NMUR1: variants seen among roughly 807,000 people sequenced by gnomAD.
NMUR1 encodes neuromedin U receptor 1, also known as neuromedin-U receptor 1.
A neutral mutation model predicts 18.8 loss-of-function variants in NMUR1; 16 were observed. The observed-to-expected ratio is 0.85, with a 90% CI of 0.58 to 1.29. The LOEUF (loss-of-function observed/expected upper bound fraction) is 1.29, where lower values mean the gene tolerates loss of function less well. Ranked by LOEUF, NMUR1 falls within the 50% of genes most tolerant of loss-of-function variation. NMUR1 has a pLI of 0.00. For missense variants in NMUR1, 529 were observed against 580.3 expected (o/e 0.91, Z 0.91); for synonymous variants, 258 against 258.2 (o/e 1.00, Z 0.01).
downstream of NMUR1, among the ~76,000 whole-genome samples, chr2:231,518,840 C>T (rs1208713646): frequency 2.0e-5 from 3 of 152,152 alleles, no homozygotes; most frequent in African/African-American, 4.8e-5. Flanking sequence ...TTCATTCTGC[C>T]TCCTGACATC....
At chr2:231,530,233 C>T in intron 1 of NMUR1, 126 bp downstream of exon 1, 2 of 1,173,802 alleles carry the variant, frequency 1.7e-6, no homozygotes, top group South Asian at 1.5e-5. Context: ...CGAGGCTCCC[C>T]GGTGGCGGGG....
downstream of NMUR1, among the ~76,000 whole-genome samples, chr2:231,522,536 G>T (rs866624488): frequency 6.6e-6 from 1 of 151,674 alleles, no homozygotes; most frequent in African/African-American, 2.4e-5. Flanking sequence ...AGGTGCTCAC[G>T]GCTCTGCACA....
At chr2:231,520,658 T>A (rs1231565622), downstream of NMUR1, among the ~76,000 whole-genome samples, 1 of 152,126 alleles carries the variant, frequency 6.6e-6, no homozygotes, top group East Asian at 1.9e-4. Context: ...ACAAAGAAAT[T>A]TGGAACAAGA....
rs915090832 is a variant in NMUR1, at chr2:231,529,026, C to G, written c.4-9G>C. On this transcript the variant is annotated splice_polypyrimidine_tract_variant and intron_variant, in intron 1 of 2. Coordinates refer to ENST00000305141, the MANE Select transcript of NMUR1 (RefSeq NM_006056.5). ...TTGAGGCAGAGAGGAGTCTGTGGAACAGAGGGGAGAGATGCCCAGAAAGAT... is the reference window on the plus strand; with the variant it reads ...TTGAGGCAGAGAGGAGTCTGTGGAAGAGAGGGGAGAGATGCCCAGAAAGAT... 2.5e-6 allele frequency: 4 copies of G among 1,587,940 alleles called. No homozygotes were observed. The African/African-American group carries it at 5.4e-5, about 21-fold the overall frequency.
At position 231,525,443 on chromosome 2, in the gene NMUR1, G is replaced by T. The variant is rs2047347128; in HGVS notation, c.899-18C>A. The T allele has an allele frequency of 6.3e-7, 1 of 1,587,568 alleles. No homozygotes were observed. Among genetic ancestry groups the T allele is most frequent in the Admixed American group, 1.7e-5 (1 of 57,776 alleles). On this transcript the variant is annotated intron_variant, in intron 2 of 2. Coordinates refer to ENST00000305141, the MANE Select transcript of NMUR1 (RefSeq NM_006056.5). ...CAGGACAACTGCAGGGACAGAGAAG[G>T]GAGGCCGAGTGCCCGCCCGAGGCCC...
chr2:231,522,170 G>T (rs907722871), downstream of NMUR1, among the ~76,000 whole-genome samples: 2 of 151,712 alleles, frequency 1.3e-5, no homozygotes, highest in Non-Finnish European at 2.9e-5. Flanking sequence ...GTATTGTAGA[G>T]ACGGGGGTTT....
Position 231,523,208 on chromosome 2 carries a change from G to A in NMUR1, c.*1835C>T, listed in dbSNP as rs2047321528. The A allele has an allele frequency of 2.8e-6, 1 of 358,074 alleles. No individual in the cohort carries two copies. Among genetic ancestry groups the A allele is most frequent in the African/African-American group, 2.1e-5 (1 of 48,018 alleles). The allele number at this position is 358,074 out of a possible 1,614,324, so 22.2% of individuals were successfully genotyped here. A position where few individuals can be genotyped will look rare whatever the true frequency, so the allele number is the denominator to read the frequency against. ...CTGCTTCAGAGTAAAGTTATGGGTG[G>A]TTTTAATTTTTTCTTTCCTTTAGAT... On this transcript the variant is annotated 3_prime_UTR_variant, in exon 3 of 3. Coordinates refer to ENST00000305141, the MANE Select transcript of NMUR1 (RefSeq NM_006056.5).
At chr2:231,530,318 A>G in intron 1 of NMUR1, 41 bp downstream of exon 1, 1 of 1,498,656 alleles carries the variant, frequency 6.7e-7, no homozygotes, top group Non-Finnish European at 8.8e-7. Context: ...GCCCCGGCCC[A>G]GCTGCCGCGC....
In NMUR1 at chr2:231,528,556, C is replaced by T. The variant is rs1188754986; in HGVS notation, c.465G>A (p.Leu155=). The T allele has an allele frequency of 6.2e-7, 1 of 1,613,952 alleles. No homozygotes were observed. The highest frequency in any genetic ancestry group is 2.2e-5 in the East Asian group (1 of 44,902). ...CCACGGCCACATAGCGTTCCACGCT[C>T]AGGGCAGTGACGTTGAGCACTGAGG... is the stretch of plus-strand genomic sequence containing the variant. The part of the protein sequence containing the change: ...CLASVLNVTA[L]SVERYVAVVH... Residue 155 remains leucine (L), a synonymous_variant, in exon 2 of 3, where the codon CTG becomes CTA. Transcript: ENST00000305141.
At chr2:231,530,144 C>T (rs1030412580) in intron 1 of NMUR1, among the ~76,000 whole-genome samples, 1 of 152,186 alleles carries the variant, frequency 6.6e-6, no homozygotes, top group African/African-American at 2.4e-5. Flanking sequence ...AGGGAGGCGC[C>T]CTGGTCCTCG....
intron 1 of NMUR1, 70 bp from the exon 2 acceptor site, chr2:231,529,087 A>C: frequency 7.0e-7 from 1 of 1,431,980 alleles, no homozygotes; most frequent in Admixed American, 2.3e-5. Flanking sequence ...TCACTCATCA[A>C]GCCAAAGGTG....
rs1221752115 is a variant in NMUR1, at chr2:231,525,398, C to G, written c.926G>C (p.Cys309Ser). 1 of 1,612,410 alleles carries G rather than the reference C, an allele frequency of 6.2e-7. No individual in the cohort carries two copies. The highest frequency in any genetic ancestry group is 1.3e-5 in the African/African-American group (1 of 74,946). Residue 309 changes from cysteine (C) to serine (S), a missense_variant, in exon 3 of 3, where the codon TGC becomes TCC. Coordinates refer to ENST00000305141, the MANE Select transcript of NMUR1 (RefSeq NM_006056.5). ...GCGGTCGGCGTGGAACGGGGCCCAG[C>G]AGATGCCAAACACCACGACCAGGAC... is the stretch of plus-strand genomic sequence containing the variant. ...LFVLVVVFGI[C>S]WAPFHADRVM...
At chr2:231,525,585 C>T (rs1343088335) in intron 2 of NMUR1, among the ~76,000 whole-genome samples, 160 bp from the exon 3 acceptor site, 2 of 152,238 alleles carry the variant, frequency 1.3e-5, no homozygotes, top group Non-Finnish European at 2.9e-5. Context: ...CCTGTTCTGG[C>T]CATGCCTCTC....
chr2:231,525,337 G>A lies in NMUR1; in HGVS notation c.987C>T (p.Gly329=), dbSNP rs372663096. ...MWSVVSQWTD[G]LHLAFQHVHV... ...GCACGTGCTGGAAGGCCAGGTGCAG[G>A]CCATCTGTCCACTGTGACACGACGC... Residue 329 remains glycine (G), a synonymous_variant, in exon 3 of 3, where the codon GGC becomes GGT. Transcript: ENST00000305141. 2.5e-6 allele frequency: 4 copies of A among 1,613,654 alleles called. No homozygotes were observed. In the African/African-American group the frequency reaches 4.0e-5, roughly 16 times the overall value.
chr2:231,520,503 G>A (rs903143710), downstream of NMUR1, among the ~76,000 whole-genome samples: 11 of 152,162 alleles, frequency 7.2e-5, no homozygotes, highest in Non-Finnish European at 1.5e-5. Flanking sequence ...TGGGAGACTG[G>A]GCTTAGTCTT....
chr2:231,524,828 G>A lies in NMUR1; in HGVS notation c.*215C>T, dbSNP rs1219422829. On this transcript the variant is annotated 3_prime_UTR_variant, in exon 3 of 3. Coordinates refer to ENST00000305141, the MANE Select transcript of NMUR1 (RefSeq NM_006056.5). ...GGGAGTGGCAGTGGACAGATAAGAA[G>A]CACAAGGTGTGGCGTCTGGTCAGTG... 5.9e-5 allele frequency: 31 copies of A among 527,498 alleles called. No homozygotes were observed. Among genetic ancestry groups the A allele is most frequent in the Non-Finnish European group, 8.7e-5 (27 of 308,624 alleles). The allele number at this position is 527,498 out of a possible 1,614,324, so 32.7% of individuals were successfully genotyped here. A position where few individuals can be genotyped will look rare whatever the true frequency, so the allele number is the denominator to read the frequency against.
In NMUR1 at chr2:231,524,805, G is replaced by T. The variant is rs1248500767; in HGVS notation, c.*238C>A. ...TGCAGGGTAAGGATTTGAACTGGGG[G>T]AGTGGCAGTGGACAGATAAGAAGCA... On this transcript the variant is annotated 3_prime_UTR_variant, in exon 3 of 3. Coordinates refer to ENST00000305141, the MANE Select transcript of NMUR1 (RefSeq NM_006056.5). The T allele has an allele frequency of 2.5e-5, 12 of 474,848 alleles. No individual in the cohort carries two copies. The highest frequency in any genetic ancestry group is 7.5e-5 in the Admixed American group (2 of 26,560). 29.4% of individuals were successfully genotyped at this position (474,848 alleles called of 1,614,324 possible). A position where few individuals can be genotyped will look rare whatever the true frequency, so the allele number is the denominator to read the frequency against.
Position 231,524,154 on chromosome 2 carries a change from C to T in NMUR1, c.*889G>A, listed in dbSNP as rs1056363045. 2.6e-5 allele frequency: 4 copies of T among 152,204 alleles called. No individual in the cohort carries two copies. Among genetic ancestry groups the T allele is most frequent in the African/African-American group, 7.2e-5 (3 of 41,442 alleles). The allele number at this position is 152,204 out of a possible 1,614,324, so 9.4% of individuals were successfully genotyped here. A position where few individuals can be genotyped will look rare whatever the true frequency, so the allele number is the denominator to read the frequency against. On this transcript the variant is annotated 3_prime_UTR_variant, in exon 3 of 3. Transcript: ENST00000305141. The stretch of plus-strand genomic sequence containing the variant: ...TTGTTGGTTTTATTATAAGCAGTGG[C>T]TTACACACACACAGAAAGAAAACCA...
chr2:231,528,160 C>A lies in NMUR1; in HGVS notation c.861G>T (p.Gln287His). Residue 287 changes from glutamine (Q) to histidine (H), a missense_variant, in exon 2 of 3, where the codon CAG becomes CAT. Coordinates refer to ENST00000305141, the MANE Select transcript of NMUR1 (RefSeq NM_006056.5). The stretch of plus-strand genomic sequence containing the variant: ...TCACTTGTCTCCGGCCCCGATCGTG[C>A]TGCTGGAGCCTGCAGGTGTATCTGG... ...ARSRYTCRLQ[Q>H]HDRGRRQVTK... The A allele has an allele frequency of 6.4e-7, 1 of 1,570,256 alleles. No homozygotes were observed. The highest frequency in any genetic ancestry group is 8.6e-7 in the Non-Finnish European group (1 of 1,156,530).
Sources: allele counts gnomAD v4.1 joint callset (sites outside exome capture counted in the v4.1 genomes callset), GRCh38; gene constraint gnomAD v4.1.1; transcripts MANE v1.5; gene names NCBI Gene and HGNC (gene_info 2026-07-23, HGNC 2026-07-21).